The following THRB variants were observed in gnomAD, a reference collection of about 807,000 sequenced individuals.
THRB encodes nuclear receptor subfamily 1 group A member 2.
Under a neutral mutation model 47.8 loss-of-function variants are expected in THRB, and 12 were observed. That is an observed-to-expected ratio of 0.25 (90% CI 0.16 to 0.41). The LOEUF (loss-of-function observed/expected upper bound fraction) is 0.41, where lower values mean the gene tolerates loss of function less well. Among genes scored for constraint, THRB ranks in the 10% least tolerant of loss-of-function variants. The pLI is 1.00. For synonymous variants in THRB, 218 were observed against 212.2 expected, an observed-to-expected ratio of 1.03 and a Z score of -0.24; for missense variants, 348 against 589.2, an observed-to-expected ratio of 0.59 and a Z score of 4.24.
intron 1 of THRB, among the ~76,000 whole-genome samples, chr3:24,482,607 G>A (rs1377587544): frequency 1.4e-5 from 2 of 144,926 alleles, no homozygotes; most frequent in Non-Finnish European, 1.5e-5. Context: ...CCAGGACACA[G>A]GACCCCCAGC....
At chr3:24,446,507 T>G (rs2072088690) in intron 1 of THRB, among the ~76,000 whole-genome samples, 1 of 151,468 alleles carries the variant, frequency 6.6e-6, no homozygotes, top group Non-Finnish European at 1.5e-5. Flanking sequence ...AAGTGCATTC[T>G]GCTGCTGCTA....
rs111973180 is a variant in THRB, at chr3:24,194,502, A to G, written c.23-4168T>C. Among the ~76,000 whole-genome samples the G allele has an allele frequency of 1.7e-3, 252 of 152,318 alleles. 1 individual carries two copies. Among genetic ancestry groups the G allele is most frequent in the Middle Eastern group, 6.8e-3 (2 of 294 alleles). On this transcript the variant is annotated intron_variant, in intron 4 of 10. Coordinates refer to ENST00000646209, the MANE Select transcript of THRB (RefSeq NM_001354712.2). The stretch of plus-strand genomic sequence containing the variant: ...ACACAATTAATCAATTTAATTAGTT[A>G]TGGTGAATTAAAAATAAGTAGAACA...
Position 24,291,107 on chromosome 3 carries a change from A to C in THRB, c.-43+6119T>G, listed in dbSNP as rs577578514. Among the ~76,000 whole-genome samples, 323 of 152,248 alleles carry C rather than the reference A, an allele frequency of 2.1e-3. 1 individual carries two copies. The highest frequency in any genetic ancestry group is 7.4e-3 in the African/African-American group (309 of 41,550). ...CCTTACCACCTGAGAGCGTTACCCA[A>C]AAGAGAGATCCACAAAATAGGTTCC... On this transcript the variant is annotated intron_variant, in intron 3 of 10. Transcript: ENST00000646209.
chr3:24,254,899 T>C (rs1018739910), intron 3 of THRB, among the ~76,000 whole-genome samples: 16 of 152,254 alleles, frequency 1.1e-4, no homozygotes, highest in African/African-American at 3.9e-4. Context: ...AAGCTTTCTA[T>C]GAGCCCCTGA....
At chr3:24,486,918 A>C (rs1267168963) in intron 1 of THRB, among the ~76,000 whole-genome samples, 6 of 152,232 alleles carry the variant, frequency 3.9e-5, no homozygotes, top group Admixed American at 1.3e-4. Context: ...GAAGTATAGC[A>C]GAAATTGCAG....
chr3:24,137,402 T>C (rs2034815528), intron 8 of THRB, among the ~76,000 whole-genome samples: 1 of 152,184 alleles, frequency 6.6e-6, no homozygotes, highest in Non-Finnish European at 1.5e-5. Context: ...AAACATGTAT[T>C]CGTGGAAGAA....
rs369935478 is a variant in THRB, at chr3:24,292,227, C to T, written c.-43+4999G>A. ...ATGAAAAAATGCAACTAGTGGTCAC[C>T]TACAGGGAGTAGGGCTGGAAGATAG... On this transcript the variant is annotated intron_variant, in intron 3 of 10. Coordinates refer to ENST00000646209, the MANE Select transcript of THRB (RefSeq NM_001354712.2). Among the ~76,000 whole-genome samples, 68 of 152,236 alleles carry T rather than the reference C, an allele frequency of 4.5e-4. No homozygotes were observed. In the South Asian group the frequency reaches 0.014, roughly 31 times the overall value.
chr3:24,198,760 T>C (rs983450285), intron 4 of THRB, among the ~76,000 whole-genome samples: 3 of 152,126 alleles, frequency 2.0e-5, no homozygotes, highest in African/African-American at 7.2e-5. Flanking sequence ...AAGACTTAGA[T>C]AGCTCTTGAG....
intron 1 of THRB, among the ~76,000 whole-genome samples, chr3:24,443,055 G>A (rs985915411): frequency 5.3e-5 from 8 of 151,672 alleles, no homozygotes; most frequent in African/African-American, 1.2e-4. Context: ...GGTGTCATGT[G>A]CCTGTAACCC....
chr3:24,300,505 A>T (rs1204948776), intron 2 of THRB, among the ~76,000 whole-genome samples: 6 of 152,168 alleles, frequency 3.9e-5, no homozygotes, highest in African/African-American at 1.4e-4. Flanking sequence ...ATGCAATAAA[A>T]TTCCTGTACA....
At chr3:24,269,988 A>G (rs2053155851) in intron 3 of THRB, among the ~76,000 whole-genome samples, 1 of 152,166 alleles carries the variant, frequency 6.6e-6, no homozygotes, top group Non-Finnish European at 1.5e-5. Context: ...GTATTTGAGC[A>G]TCAAAAATTA....
chr3:24,148,290 C>G (rs2036399823), intron 6 of THRB, among the ~76,000 whole-genome samples: 1 of 152,108 alleles, frequency 6.6e-6, no homozygotes, highest in African/African-American at 2.4e-5. Flanking sequence ...CCACACCTGG[C>G]TAATTTTTGT....
chr3:24,199,043 A>G (rs1299506045), intron 4 of THRB, among the ~76,000 whole-genome samples: 3 of 152,248 alleles, frequency 2.0e-5, no homozygotes, highest in Non-Finnish European at 4.4e-5. Context: ...GTCAGGCTAC[A>G]TAGACTAGGC....
chr3:24,300,796 T>C (rs1048340543), intron 2 of THRB, among the ~76,000 whole-genome samples: 9 of 152,214 alleles, frequency 5.9e-5, no homozygotes, highest in African/African-American at 2.2e-4. Context: ...TATATGTCAA[T>C]GAAAAAAGTT....
intron 2 of THRB, among the ~76,000 whole-genome samples, chr3:24,301,502 G>C (rs999885275): frequency 1.3e-5 from 2 of 151,982 alleles, no homozygotes; most frequent in Non-Finnish European, 2.9e-5. Context: ...TATCTAGCCT[G>C]TATTTTTTAG....
intron 1 of THRB, among the ~76,000 whole-genome samples, chr3:24,447,012 C>T (rs540195911): frequency 3.9e-5 from 6 of 152,058 alleles, no homozygotes; most frequent in East Asian, 3.9e-4. Flanking sequence ...CCATCATTAC[C>T]GGGGACACAG....
rs1451836976 is a variant in THRB, at chr3:24,418,285, T to C, written c.-261+76367A>G. 3.3e-5 allele frequency among the ~76,000 whole-genome samples: 5 copies of C among 151,362 alleles called. No individual in the cohort carries two copies. In the East Asian group the frequency reaches 7.8e-4, roughly 24 times the overall value. On this transcript the variant is annotated intron_variant, in intron 1 of 10. Transcript: ENST00000646209. ...CCTGTATTTCTGTAACCTTGCCTAGTGTTACTTGGTTGAATAAGCTATGAC... is the reference window on the plus strand; with the variant it reads ...CCTGTATTTCTGTAACCTTGCCTAGCGTTACTTGGTTGAATAAGCTATGAC...
At chr3:24,443,661 C>T (rs998777901) in intron 1 of THRB, among the ~76,000 whole-genome samples, 14 of 152,114 alleles carry the variant, frequency 9.2e-5, no homozygotes, top group African/African-American at 3.4e-4. Context: ...ATTAGGAAAT[C>T]TGTAATTATA....
chr3:24,334,682 A>T (rs2062130156), intron 2 of THRB, among the ~76,000 whole-genome samples: 1 of 152,116 alleles, frequency 6.6e-6, no homozygotes, highest in Non-Finnish European at 1.5e-5. Flanking sequence ...CTTTCACAGT[A>T]TTCCTGATTG....
Sources: gnomAD v4.1 joint callset for allele counts (sites outside exome capture counted in the v4.1 genomes callset) on GRCh38, gnomAD v4.1.1 for gene constraint, MANE v1.5 for transcripts, NCBI Gene and HGNC (gene_info 2026-07-23, HGNC 2026-07-21) for gene names.